Variants in CWF19L2 observed in about 807,000 individuals in gnomAD.
CWF19L2 encodes CWF19 like cell cycle control factor 2.
CWF19L2 carries 98 observed loss-of-function variants against 111.7 expected under a neutral mutation model. The ratio of observed to expected loss-of-function variants is 0.88; its 90% CI spans 0.75 to 1.04. The LOEUF (loss-of-function observed/expected upper bound fraction) is 1.04, where lower values mean the gene tolerates loss of function less well. Among genes scored for constraint, CWF19L2 ranks in the 50% least tolerant of loss-of-function variants. The pLI, the probability that CWF19L2 is intolerant of heterozygous loss-of-function variation, is 0.00. For missense variants in CWF19L2, 1,101 were observed against 1,051.4 expected (o/e 1.05, Z -0.65); for synonymous variants, 351 against 342.9 (o/e 1.02, Z -0.26).
chr11:107,329,842 A>G, intron 17 of CWF19L2, 76 bp downstream of exon 17: 4 of 1,175,536 alleles, frequency 3.4e-6, no homozygotes, highest in Non-Finnish European at 4.8e-6. Flanking sequence ...ACTGTGCCCA[A>G]AGTTTTTATT....
chr11:107,414,330 C>A (rs1023193594), intron 10 of CWF19L2, among the ~76,000 whole-genome samples: 4 of 152,046 alleles, frequency 2.6e-5, no homozygotes, highest in African/African-American at 9.7e-5. Flanking sequence ...GTAGCTGGGA[C>A]TACAGGAGCA....
At chr11:107,368,244 G>C (rs1368384933) in intron 12 of CWF19L2, among the ~76,000 whole-genome samples, 1 of 136,344 alleles carries the variant, frequency 7.3e-6, no homozygotes, top group South Asian at 2.5e-4. Flanking sequence ...AATCAGAAAT[G>C]TAAAAGCAGA....
chr11:107,457,511 A>C (rs1188830685), intron 1 of CWF19L2, among the ~76,000 whole-genome samples: 1 of 152,210 alleles, frequency 6.6e-6, no homozygotes, highest in African/African-American at 2.4e-5. Context: ...CTGAAAAGAG[A>C]ATTAGCAACT....
intron 14 of CWF19L2, among the ~76,000 whole-genome samples, chr11:107,345,778 C>G (rs190174748): frequency 1.3e-5 from 2 of 152,090 alleles, no homozygotes; most frequent in Admixed American, 1.3e-4. Context: ...ATAACAAATA[C>G]GCTATACAAA....
chr11:107,395,660 T>C (rs1232119687), intron 10 of CWF19L2, among the ~76,000 whole-genome samples: 1 of 152,192 alleles, frequency 6.6e-6, no homozygotes, highest in Non-Finnish European at 1.5e-5. Context: ...TTTTTCTAGT[T>C]CCTTGTAATT....
intron 11 of CWF19L2, among the ~76,000 whole-genome samples, chr11:107,391,676 T>A (rs1297858488): frequency 1.3e-5 from 2 of 152,224 alleles, no homozygotes; most frequent in Non-Finnish European, 1.5e-5. Context: ...TTTCCAATGC[T>A]GCTCTCACAT....
chr11:107,443,464 C>T (rs891835324), intron 3 of CWF19L2, among the ~76,000 whole-genome samples: 12 of 151,546 alleles, frequency 7.9e-5, no homozygotes, highest in Middle Eastern at 3.4e-3. Flanking sequence ...ACCTGGGCCA[C>T]AGAGACTCCG....
intron 17 of CWF19L2, among the ~76,000 whole-genome samples, 185 bp downstream of exon 17, chr11:107,329,733 T>C (rs1192341836): frequency 6.6e-6 from 1 of 152,208 alleles, no homozygotes; most frequent in Non-Finnish European, 1.5e-5. Context: ...GTAACATTCC[T>C]GGCTCTGTTA....
intron 1 of CWF19L2, 141 bp downstream of exon 1, chr11:107,457,571 G>A (rs953557855): frequency 3.3e-6 from 2 of 608,548 alleles, no homozygotes; most frequent in African/African-American, 1.9e-5. Flanking sequence ...AGGGTTTACC[G>A]GCATTGCAAA....
chr11:107,431,189 A>G (rs1861461043), intron 7 of CWF19L2, among the ~76,000 whole-genome samples: 1 of 151,972 alleles, frequency 6.6e-6, no homozygotes, highest in Non-Finnish European at 1.5e-5. Flanking sequence ...CAAGAAGAAA[A>G]GAAAGTTTAA....
intron 14 of CWF19L2, among the ~76,000 whole-genome samples, chr11:107,348,417 C>G (rs976503346): frequency 2.0e-5 from 3 of 152,116 alleles, no homozygotes; most frequent in African/African-American, 7.2e-5. Context: ...AAAAACAAAT[C>G]CCTGAATCCA....
At chr11:107,430,114 C>A (rs910736589) in intron 7 of CWF19L2, among the ~76,000 whole-genome samples, 2 of 151,272 alleles carry the variant, frequency 1.3e-5, no homozygotes, top group Non-Finnish European at 2.9e-5. Context: ...ATTTCCCCAG[C>A]CGATTTCTCA....
chr11:107,429,591 C>T, intron 7 of CWF19L2, 140 bp from the exon 8 acceptor site: 1 of 591,246 alleles, frequency 1.7e-6, no homozygotes, highest in Non-Finnish European at 2.9e-6. Context: ...CCCATACAAT[C>T]ATCCTATACG....
At chr11:107,393,026 G>A in intron 10 of CWF19L2, 131 bp from the exon 11 acceptor site, 1 of 576,662 alleles carries the variant, frequency 1.7e-6, no homozygotes. Flanking sequence ...AAATCTCCTG[G>A]ATTTTCATTA....
At chr11:107,442,805 AGGGAGGGAGGGAG>A (rs1218607455) in intron 4 of CWF19L2, 121 bp downstream of exon 4, 1 of 363,828 alleles carries the variant, frequency 2.7e-6, no homozygotes, top group African/African-American at 5.0e-5. Context: ...GGAGGGAGGG[AGGGAGGGAGGGAG>A]GGGGAGGGAG....
Position 107,376,186 on chromosome 11 carries a change from C to CAAGG in CWF19L2, c.1872+13884_1872+13887dup, listed in dbSNP as rs1460732124. Among the ~76,000 whole-genome samples the CAAGG allele has an allele frequency of 5.7e-5, 7 of 123,696 alleles. 1 individual carries two copies. The highest frequency in any genetic ancestry group is 1.2e-4 in the Non-Finnish European group (7 of 60,052). 81.1% of individuals were successfully genotyped at this position (123,696 alleles called of 152,430 possible). A position where few individuals can be genotyped will look rare whatever the true frequency, so the allele number is the denominator to read the frequency against. On this transcript the variant is annotated intron_variant, in intron 12 of 17. Transcript: ENST00000282251. ...TCACAGCCAAATTCTACCAGAGGTACAAGGAGGAACTGGTACCATTCCTTC... is the reference window on the plus strand; with the variant it reads ...TCACAGCCAAATTCTACCAGAGGTACAAGGAAGGAGGAACTGGTACCATTCCTTC...
chr11:107,337,535 G>A (rs948105792), intron 14 of CWF19L2, among the ~76,000 whole-genome samples: 1 of 152,198 alleles, frequency 6.6e-6, no homozygotes, highest in Middle Eastern at 3.4e-3. Context: ...GCTAGGGATC[G>A]AAAGAAAGGG....
At chr11:107,450,221 T>C (rs1861759175) in intron 3 of CWF19L2, among the ~76,000 whole-genome samples, 1 of 152,014 alleles carries the variant, frequency 6.6e-6, no homozygotes. Flanking sequence ...CTGGGCAACA[T>C]GGCAAAACCA....
At chr11:107,341,528 A>G (rs75342369) in intron 14 of CWF19L2, among the ~76,000 whole-genome samples, 1,971 of 152,274 alleles carry the variant, frequency 0.013, 24 homozygotes, top group South Asian at 0.039. Context: ...CTATTCACAT[A>G]GGATATTGAG....
Sources: gnomAD v4.1 joint callset for allele counts (sites outside exome capture counted in the v4.1 genomes callset) on GRCh38, gnomAD v4.1.1 for gene constraint, MANE v1.5 for transcripts, NCBI Gene and HGNC (gene_info 2026-07-23, HGNC 2026-07-21) for gene names.